Variants in TTLL6 observed in about 807,000 individuals in gnomAD.
The protein encoded by TTLL6 is tubulin polyglutamylase TTLL6.
A neutral mutation model predicts 96.4 loss-of-function variants in TTLL6; 75 were observed. The ratio of observed to expected loss-of-function variants is 0.78; its 90% CI spans 0.65 to 0.94. TTLL6 has a LOEUF of 0.94. TTLL6 is among the 40% of genes least tolerant of loss of function. TTLL6 has a pLI of 0.00. For missense variants in TTLL6, 1,030 were observed against 1,093.0 expected (o/e 0.94, Z 0.81); for synonymous variants, 411 against 419.4 (o/e 0.98, Z 0.24).
intron 15 of TTLL6, 90 bp from the exon 16 acceptor site, chr17:48,763,063 T>C (rs1471054709): frequency 7.9e-6 from 3 of 380,512 alleles, no homozygotes; most frequent in Non-Finnish European, 1.0e-5. Flanking sequence ...CATTCCTATC[T>C]AGTGGATCAA....
intron 1 of TTLL6, among the ~76,000 whole-genome samples, chr17:48,816,673 G>A (rs569011453): frequency 2.6e-5 from 4 of 152,338 alleles, no homozygotes; most frequent in African/African-American, 9.6e-5. Flanking sequence ...AGTTGTGTGA[G>A]TCCCAGGGAT....
intron 12 of TTLL6, 29 bp from the exon 13 acceptor site, chr17:48,785,230 G>A (rs765861438): frequency 2.5e-6 from 4 of 1,613,648 alleles, no homozygotes; most frequent in Non-Finnish European, 3.4e-6. Context: ...ACAACACACA[G>A]CCATGGGAAC....
intron 1 of TTLL6, chr17:48,806,341 C>T (rs1159263379): frequency 2.6e-5 from 4 of 152,178 alleles, no homozygotes; most frequent in Admixed American, 2.6e-4. Context: ...CTTCACTCCT[C>T]CTTAAGAACA....
chr17:48,814,318 C>CAAAAAAAAA (rs398030988), intron 1 of TTLL6, among the ~76,000 whole-genome samples: 2 of 52,860 alleles, frequency 3.8e-5, no homozygotes, highest in African/African-American at 8.4e-5. Context: ...GACAGTGTCT[C>CAAAAAAAAA]AAAAAAAAAA....
At position 48,797,054 on chromosome 17, in the gene TTLL6, A is replaced by C; in HGVS notation, c.912+7T>G. ...GTAGGGTGAGGTAGTGTGTCTCCTT[A>C]GCTCACCAGGTTGTCTGTGCAAGGG... On this transcript the variant is annotated splice_region_variant and intron_variant, in intron 7 of 15. Coordinates refer to ENST00000393382, the MANE Select transcript of TTLL6 (RefSeq NM_001130918.3). 10 of 1,550,174 alleles carry C rather than the reference A, an allele frequency of 6.5e-6. No homozygotes were observed. Among genetic ancestry groups the C allele is most frequent in the Non-Finnish European group, 8.7e-6 (10 of 1,146,370 alleles).
chr17:48,779,277 C>T (rs1379356694), intron 13 of TTLL6, among the ~76,000 whole-genome samples: 1 of 141,290 alleles, frequency 7.1e-6, no homozygotes, highest in Non-Finnish European at 1.5e-5. Flanking sequence ...TTGCTTGAAC[C>T]CGGGAGGCTG....
chr17:48,783,485 G>A (rs1467690013), intron 13 of TTLL6, among the ~76,000 whole-genome samples: 11 of 151,476 alleles, frequency 7.3e-5, no homozygotes, highest in African/African-American at 1.9e-4. Context: ...AGACTGGAGT[G>A]CAGTGGCATG....
At chr17:48,807,999 C>T (rs1420000485) in intron 1 of TTLL6, among the ~76,000 whole-genome samples, 1 of 152,072 alleles carries the variant, frequency 6.6e-6, no homozygotes, top group Non-Finnish European at 1.5e-5. Context: ...CCACCACGCC[C>T]GGCTAATTTT....
chr17:48,793,202 A>T (rs972562499), intron 8 of TTLL6, among the ~76,000 whole-genome samples: 3 of 152,188 alleles, frequency 2.0e-5, no homozygotes, highest in Non-Finnish European at 2.9e-5. Flanking sequence ...GACAGTCAGT[A>T]TGAGAAGAAG....
At chr17:48,789,715 C>T (rs564599345) in intron 10 of TTLL6, among the ~76,000 whole-genome samples, 12 of 152,142 alleles carry the variant, frequency 7.9e-5, no homozygotes, top group South Asian at 6.2e-4. Flanking sequence ...CCACCATACC[C>T]GGCTAATTTT....
chr17:48,793,819 G>T (rs1483840606), intron 8 of TTLL6, among the ~76,000 whole-genome samples: 1 of 152,144 alleles, frequency 6.6e-6, no homozygotes, highest in Non-Finnish European at 1.5e-5. Context: ...GTTGTTGTGA[G>T]GAGGATTAAG....
chr17:48,801,215 AG>A (rs145663465), intron 5 of TTLL6, 39 bp downstream of exon 5: 193 of 1,527,388 alleles, frequency 1.3e-4, no homozygotes, highest in Non-Finnish European at 1.7e-4. Flanking sequence ...GTAAATGGGG[AG>A]GGGAGTGGAG....
At chr17:48,805,528 C>A (rs993530433) in intron 1 of TTLL6, among the ~76,000 whole-genome samples, 8 of 152,118 alleles carry the variant, frequency 5.3e-5, no homozygotes, top group Admixed American at 5.2e-4. Context: ...CAGATGCAGA[C>A]CTTCAGAGAC....
intron 13 of TTLL6, among the ~76,000 whole-genome samples, chr17:48,780,213 T>C (rs1458379600): frequency 6.6e-6 from 1 of 152,164 alleles, no homozygotes; most frequent in East Asian, 1.9e-4. Context: ...TGGTGCAATC[T>C]CGGCTCACTG....
chr17:48,784,890 C>A, intron 13 of TTLL6, 33 bp downstream of exon 13: 2 of 1,585,584 alleles, frequency 1.3e-6, no homozygotes, highest in South Asian at 1.1e-5. Context: ...AAGACTCCCA[C>A]CACTCCCTCC....
chr17:48,774,230 GTTGTTTTTTTT>G (rs1163935965), intron 13 of TTLL6, among the ~76,000 whole-genome samples: 1 of 117,742 alleles, frequency 8.5e-6, no homozygotes, highest in African/African-American at 3.1e-5. Context: ...ATCCAGGTTT[GTTGTTTTTTTT>G]TTTTTTTTTT....
At chr17:48,811,857 C>T (rs1180995998) in intron 1 of TTLL6, among the ~76,000 whole-genome samples, 1 of 151,982 alleles carries the variant, frequency 6.6e-6, no homozygotes, top group Non-Finnish European at 1.5e-5. Flanking sequence ...GTCACCATGC[C>T]GGCCTAATTA....
At chr17:48,786,401 T>C in intron 11 of TTLL6, 66 bp from the exon 12 acceptor site, 2 of 1,600,760 alleles carry the variant, frequency 1.2e-6, no homozygotes, top group East Asian at 2.2e-5. Context: ...GGCATTCTCC[T>C]TGAGGGATGG....
chr17:48,787,680 G>A, intron 11 of TTLL6, 131 bp downstream of exon 11: 1 of 861,368 alleles, frequency 1.2e-6, no homozygotes, highest in Non-Finnish European at 1.8e-6. Flanking sequence ...ACAGGCGTGA[G>A]CCACGGCGCC....
Sources: gnomAD v4.1 joint callset for allele counts (sites outside exome capture counted in the v4.1 genomes callset) on GRCh38, gnomAD v4.1.1 for gene constraint, MANE v1.5 for transcripts, NCBI Gene and HGNC (gene_info 2026-07-23, HGNC 2026-07-21) for gene names.